ERI1: variants seen among roughly 807,000 people sequenced by gnomAD.
The protein encoded by ERI1 is exoribonuclease 1.
In ERI1, 39 loss-of-function variants were observed where a neutral mutation model predicts 39.7. The observed-to-expected ratio is 0.98, with a 90% confidence interval of 0.76 to 1.28. ERI1 has a LOEUF of 1.28. ERI1 is among the 50% of genes most tolerant of loss of function. ERI1 has a pLI of 0.00. For synonymous variants in ERI1, 204 were observed against 149.6 expected (o/e 1.36, Z -2.65); for missense variants, 581 against 416.9 (o/e 1.39, Z -3.43).
At chr8:9,007,792 G>C (rs1816178813) in intron 1 of ERI1, among the ~76,000 whole-genome samples, 178 bp from the exon 2 acceptor site, 1 of 152,138 alleles carries the variant, frequency 6.6e-6, no homozygotes, top group African/African-American at 2.4e-5. Context: ...TTGTATTGGA[G>C]ACGCATCTTC....
In ERI1 at chr8:9,052,167, T is replaced by C. The variant is rs970942207; in HGVS notation, n.299+31703T>C. ...CTTATTACACGGGTCTGCCCAAGGCTGAAACTTGGGGCTTATCCTCTATGG... is the reference window on the plus strand; with the variant it reads ...CTTATTACACGGGTCTGCCCAAGGCCGAAACTTGGGGCTTATCCTCTATGG... On this transcript the variant is annotated intron_variant and non_coding_transcript_variant, in intron 3 of 3. Transcript: ENST00000518663. Among the ~76,000 whole-genome samples, 31 of 152,248 alleles carry C rather than the reference T, an allele frequency of 2.0e-4. 2 individuals are homozygous for C. The highest frequency in any genetic ancestry group is 2.0e-3 in the Admixed American group (30 of 15,288).
At chr8:9,022,553 C>G (rs1032078215) in intron 6 of ERI1, among the ~76,000 whole-genome samples, 3 of 152,088 alleles carry the variant, frequency 2.0e-5, no homozygotes, top group African/African-American at 7.2e-5. Context: ...GCGCCCACAA[C>G]CACAACTGGC....
At chr8:9,076,977 A>G (rs1244227086) in intron 3 of ERI1, among the ~76,000 whole-genome samples, 2 of 152,232 alleles carry the variant, frequency 1.3e-5, no homozygotes, top group African/African-American at 4.8e-5. Context: ...TGAGGTAGAG[A>G]TAGCTGTTAA....
chr8:9,079,238 A>AGG (rs1799299851), intron 3 of ERI1, among the ~76,000 whole-genome samples: 1 of 152,144 alleles, frequency 6.6e-6, no homozygotes, highest in Admixed American at 6.6e-5. Context: ...AATGGGGAGG[A>AGG]ATAGCAGATG....
rs1372445545 is a variant in ERI1, at chr8:9,030,727, C to G, written c.*693C>G. 2.6e-5 allele frequency: 4 copies of G among 152,108 alleles called. No individual in the cohort carries two copies. Among genetic ancestry groups the G allele is most frequent in the African/African-American group, 9.7e-5 (4 of 41,432 alleles). The allele number at this position is 152,108 out of a possible 1,614,324, so 9.4% of individuals were successfully genotyped here. On this transcript the variant is annotated 3_prime_UTR_variant, in exon 7 of 7. Coordinates refer to ENST00000250263, the MANE Select transcript of ERI1 (RefSeq NM_153332.4). ...CTCAAACTTCATAATACATAAATCA[C>G]TGGGGTCTTTTTGGATTTGGTTGTT...
chr8:9,014,216 A>T lies in ERI1; in HGVS notation c.499-2106A>T, dbSNP rs1400735961. Among the ~76,000 whole-genome samples the T allele has an allele frequency of 2.6e-5, 4 of 152,286 alleles. No homozygotes were observed. The East Asian group carries it at 5.8e-4, about 22-fold the overall frequency. On this transcript the variant is annotated intron_variant, in intron 3 of 6. Coordinates refer to ENST00000250263, the MANE Select transcript of ERI1 (RefSeq NM_153332.4). Reference sequence around the variant, plus strand: ...CTGCTTGCTCATTCTCAAAAATGCCAGGCATGCTTTATCCCATTACTTGCC... The same window carrying T: ...CTGCTTGCTCATTCTCAAAAATGCCTGGCATGCTTTATCCCATTACTTGCC...
chr8:9,066,152 C>A (rs752047191), intron 3 of ERI1, among the ~76,000 whole-genome samples: 1 of 152,232 alleles, frequency 6.6e-6, no homozygotes, highest in Admixed American at 6.5e-5. Flanking sequence ...CCTCCACCTT[C>A]TTCCTCCTCC....
intron 3 of ERI1, among the ~76,000 whole-genome samples, chr8:9,064,957 GGTT>G (rs1251034025): frequency 6.6e-6 from 1 of 152,172 alleles, no homozygotes; most frequent in Non-Finnish European, 1.5e-5. Context: ...GAAAAAGCGG[GGTT>G]GTTCTCTGGC....
downstream of ERI1, among the ~76,000 whole-genome samples, chr8:9,035,572 T>A (rs1585247054): frequency 2.0e-5 from 3 of 152,062 alleles, no homozygotes; most frequent in South Asian, 6.2e-4. Context: ...AAAAAAAAAA[T>A]CTGTTCAAAA....
In ERI1 at chr8:9,022,777, A is replaced by G. The variant is rs140758071; in HGVS notation, c.807+2313A>G. 1.7e-3 allele frequency among the ~76,000 whole-genome samples: 264 copies of G among 152,306 alleles called. 2 individuals are homozygous for G. The highest frequency in any genetic ancestry group is 1.5e-3 in the East Asian group (8 of 5,192). On this transcript the variant is annotated intron_variant, in intron 6 of 6. Transcript: ENST00000250263. ...AATTGTGTTATGGAAAATTTCAAAC[A>G]TAACAGAAATAGGTATGAGTCCTCA...
chr8:9,057,927 C>T (rs1400195645), intron 3 of ERI1, among the ~76,000 whole-genome samples: 2 of 152,028 alleles, frequency 1.3e-5, no homozygotes, highest in African/African-American at 2.4e-5. Flanking sequence ...GGCAAGCAAT[C>T]GGAGTAATAG....
rs1292919079 is a variant in ERI1 at position 9,016,287 on chromosome 8, A to G, written c.499-35A>G. The G allele has an allele frequency of 7.2e-6, 10 of 1,393,652 alleles. No individual in the cohort carries two copies. In the Admixed American group the frequency reaches 1.3e-4, roughly 18 times the overall value. 86.3% of individuals were successfully genotyped at this position (1,393,652 alleles called of 1,614,324 possible). ...TCATGTATCGTGTATCTTAACTCAT[A>G]TAAATTACTTTAACTTGCTATCCTT... On this transcript the variant is annotated intron_variant, in intron 3 of 6. Coordinates refer to ENST00000250263, the MANE Select transcript of ERI1 (RefSeq NM_153332.4).
intron 3 of ERI1, among the ~76,000 whole-genome samples, chr8:9,093,705 T>C (rs200704892): frequency 6.6e-6 from 1 of 152,130 alleles, no homozygotes; most frequent in Non-Finnish European, 1.5e-5. Flanking sequence ...GTAGCTGGGA[T>C]TACAGGCACA....
At chr8:9,019,016 A>G (rs773082695) in intron 5 of ERI1, among the ~76,000 whole-genome samples, 6 of 152,364 alleles carry the variant, frequency 3.9e-5, no homozygotes, top group East Asian at 3.9e-4. Context: ...GTGTACATAC[A>G]TAAGACTTAC....
intron 3 of ERI1, among the ~76,000 whole-genome samples, chr8:9,039,737 A>G (rs1044159800): frequency 3.3e-5 from 5 of 152,144 alleles, no homozygotes; most frequent in South Asian, 4.1e-4. Flanking sequence ...CGCTTTTCCT[A>G]TAGAATGTTA....
At chr8:9,034,094 GAC>G (rs1422340933), downstream of ERI1, among the ~76,000 whole-genome samples, 2 of 152,246 alleles carry the variant, frequency 1.3e-5, no homozygotes, top group Non-Finnish European at 2.9e-5. Flanking sequence ...AGTTTATAAT[GAC>G]ACAGAGGCTA....
downstream of ERI1, among the ~76,000 whole-genome samples, chr8:9,035,939 T>A (rs969345081): frequency 2.6e-5 from 4 of 152,148 alleles, no homozygotes; most frequent in African/African-American, 4.8e-5. Flanking sequence ...CATGGATGAC[T>A]TTTAGGGGCC....
At chr8:9,083,913 C>T (rs1185168739) in intron 3 of ERI1, among the ~76,000 whole-genome samples, 1 of 152,094 alleles carries the variant, frequency 6.6e-6, no homozygotes, top group African/African-American at 2.4e-5. Context: ...CCAGCCTCAG[C>T]CTCCTGAGTA....
At chr8:9,028,766 G>C (rs973650534) in intron 6 of ERI1, among the ~76,000 whole-genome samples, 4 of 151,920 alleles carry the variant, frequency 2.6e-5, no homozygotes, top group African/African-American at 9.7e-5. Context: ...TGGGATTACA[G>C]GCGCACGCCA....
Sources: gnomAD v4.1 joint callset for allele counts (sites outside exome capture counted in the v4.1 genomes callset) on GRCh38, gnomAD v4.1.1 for gene constraint, MANE v1.5 for transcripts, NCBI Gene and HGNC (gene_info 2026-07-23, HGNC 2026-07-21) for gene names.